The following PPL variants were observed in gnomAD, a reference collection of about 807,000 sequenced individuals.
PPL encodes the protein 190 kDa paraneoplastic pemphigus antigen.
Under a neutral mutation model 194.4 loss-of-function variants are expected in PPL, and 198 were observed. The observed-to-expected ratio is 1.02, with a 90% CI of 0.91 to 1.15. The LOEUF (loss-of-function observed/expected upper bound fraction) is 1.15, where lower values mean the gene tolerates loss of function less well. PPL is among the 50% of genes most tolerant of loss of function. The probability of loss-of-function intolerance (pLI) is 0.00; values close to 1 mark genes in which losing one functional copy is unlikely to be tolerated. For synonymous variants in PPL, 1,220 were observed against 972.4 expected, an observed-to-expected ratio of 1.25 and a Z score of -4.74; for missense variants, 2,885 against 2,294.8, an observed-to-expected ratio of 1.26 and a Z score of -5.25.
At chr16:4,933,157 A>G (rs906609351) in intron 1 of PPL, among the ~76,000 whole-genome samples, 2 of 151,952 alleles carry the variant, frequency 1.3e-5, no homozygotes, top group Non-Finnish European at 2.9e-5. Flanking sequence ...ACCCACCCCC[A>G]TGCCCAGCTA....
rs1220377300 is a variant in PPL at position 4,893,352 on chromosome 16, C to G, written c.1511G>C (p.Gly504Ala). 1.9e-6 allele frequency: 3 copies of G among 1,607,466 alleles called. No homozygotes were observed. The highest frequency in any genetic ancestry group is 2.5e-6 in the Non-Finnish European group (3 of 1,179,806). Residue 504 changes from glycine to alanine, a missense_variant, in exon 14 of 22, where the codon GGG becomes GCG. By Grantham distance (60) the Gly-to-Ala change is moderately conservative. Transcript: ENST00000345988. Reference protein sequence around the residue: ...ENPGDASDLQGRQLLAGLDKV... With the variant: ...ENPGDASDLQARQLLAGLDKV... ...GTCCAAGCCAGCCAGCAGCTGCCGCCCCTGTAGGTCAGAGGCATCTGTGGA... is the reference window on the plus strand; with the variant it reads ...GTCCAAGCCAGCCAGCAGCTGCCGCGCCTGTAGGTCAGAGGCATCTGTGGA...
chr16:4,889,233 TTG>T (rs2088271235), intron 18 of PPL, among the ~76,000 whole-genome samples, 172 bp from the exon 19 acceptor site: 2 of 4,972 alleles, frequency 4.0e-4, no homozygotes, highest in African/African-American at 6.1e-4. Flanking sequence ...AGTTTTTTTG[TTG>T]TTGTTGTTTT....
At chr16:4,899,776 A>T (rs1424430804) in intron 6 of PPL, among the ~76,000 whole-genome samples, 1 of 152,244 alleles carries the variant, frequency 6.6e-6, no homozygotes, top group African/African-American at 2.4e-5. Context: ...AGAGACTGGC[A>T]TATAGTTGGT....
chr16:4,931,021 G>A (rs1056810338), intron 1 of PPL, among the ~76,000 whole-genome samples: 1 of 152,170 alleles, frequency 6.6e-6, no homozygotes, highest in Non-Finnish European at 1.5e-5. Flanking sequence ...AGGGACTGGA[G>A]GCCTGCTGGG....
Position 4,920,887 on chromosome 16 carries a change from G to A in PPL, c.63-9938C>T, listed in dbSNP as rs1020355746. On this transcript the variant is annotated intron_variant, in intron 1 of 21. Coordinates refer to ENST00000345988, the MANE Select transcript of PPL (RefSeq NM_002705.5). ...TAAAGTACAGGGATTACAGGCATGA[G>A]CCCACTGTGCCTGGCTCATTTACAT... 2.0e-5 allele frequency among the ~76,000 whole-genome samples: 3 copies of A among 152,206 alleles called. No individual in the cohort carries two copies. In the East Asian group the frequency reaches 5.8e-4, roughly 29 times the overall value.
Position 4,885,170 on chromosome 16 carries a change from T to C in PPL, c.3485A>G (p.Glu1162Gly). Residue 1162 changes from glutamate (E) to glycine (G), a missense_variant, in exon 22 of 22, where the codon GAG becomes GGG. Physicochemically the swap from Glu to Gly is moderately conservative, Grantham distance 98. Coordinates refer to ENST00000345988, the MANE Select transcript of PPL (RefSeq NM_002705.5). The surrounding 1 kb of genome is among the most constrained non-coding windows in gnomAD (Gnocchi z 6.3). ...TELLRKIWALEEENAKVVVQE... is the reference protein window; with the variant it reads ...TELLRKIWALGEENAKVVVQE... ...CACCACCACTTTGGCGTTCTCCTCC[T>C]CCAAGGCCCATATCTTTCGGAGCAG... 6.2e-7 allele frequency: 1 copy of C among 1,614,064 alleles called. No individual in the cohort carries two copies. The highest frequency in any genetic ancestry group is 8.5e-7 in the Non-Finnish European group (1 of 1,180,020).
chr16:4,902,314 G>T lies in PPL; in HGVS notation c.438+92C>A. 6.4e-7 allele frequency: 1 copy of T among 1,553,380 alleles called. No individual in the cohort carries two copies. Among genetic ancestry groups the T allele is most frequent in the Middle Eastern group, 1.7e-4 (1 of 5,810 alleles). ...ACGACTGTCTCCCTGGTAAGACCCG[G>T]GATGCCCATTACATGGGTAGGCTCT... On this transcript the variant is annotated intron_variant, in intron 4 of 21. Transcript: ENST00000345988. The surrounding 1 kb of genome is among the most constrained non-coding windows in gnomAD (Gnocchi z 4.0).
At chr16:4,933,036 C>G (rs1337947024) in intron 1 of PPL, among the ~76,000 whole-genome samples, 1 of 151,214 alleles carries the variant, frequency 6.6e-6, no homozygotes. Context: ...GAGTCTCACT[C>G]TTTTACCCAG....
chr16:4,911,541 A>T (rs1056317206), intron 1 of PPL, among the ~76,000 whole-genome samples: 2 of 147,530 alleles, frequency 1.4e-5, no homozygotes, highest in African/African-American at 5.0e-5. Context: ...TCATTCATTC[A>T]TTCATTTTAT....
At chr16:4,929,851 A>G (rs1430223307) in intron 1 of PPL, among the ~76,000 whole-genome samples, 1 of 150,288 alleles carries the variant, frequency 6.7e-6, no homozygotes, top group African/African-American at 2.5e-5. Context: ...ATGCCCAGCT[A>G]ATTTTTTTTT....
chr16:4,901,977 T>TAAAA (rs1253752063), intron 4 of PPL, among the ~76,000 whole-genome samples: 8 of 150,456 alleles, frequency 5.3e-5, no homozygotes, highest in Non-Finnish European at 1.0e-4. Context: ...AATAAATAAA[T>TAAAA]AAAACTGGGG....
At chr16:4,922,289 G>A (rs113208389) in intron 1 of PPL, among the ~76,000 whole-genome samples, 1 of 152,218 alleles carries the variant, frequency 6.6e-6, no homozygotes, top group Non-Finnish European at 1.5e-5. Context: ...GATATGGGGT[G>A]CTGCCTCTGA....
At chr16:4,920,345 GAGAA>G (rs1049654889) in intron 1 of PPL, among the ~76,000 whole-genome samples, 23 of 25,166 alleles carry the variant, frequency 9.1e-4, no homozygotes, top group South Asian at 3.8e-3. Context: ...GAGAGAGAGA[GAGAA>G]AGAAAGAAAG....
At position 4,892,177 on chromosome 16, in the gene PPL, TCTC is replaced by T; in HGVS notation, c.1684_1686del (p.Glu562del). On this transcript the variant is annotated inframe_deletion, in exon 15 of 22. Transcript: ENST00000345988. ...TCGCCCTCAGCCGTGCTCCGCGTCTTCTCAGGTTCAATCCGCAGTAGCTCGTTG... is the reference window on the plus strand; with the variant it reads ...TCGCCCTCAGCCGTGCTCCGCGTCTTAGGTTCAATCCGCAGTAGCTCGTTG... 2 of 1,613,678 alleles carry T rather than the reference TCTC, an allele frequency of 1.2e-6. No individual in the cohort carries two copies. The highest frequency in any genetic ancestry group is 1.7e-6 in the Non-Finnish European group (2 of 1,179,914).
chr16:4,906,362 C>A (rs2088682592), intron 2 of PPL, among the ~76,000 whole-genome samples: 1 of 152,092 alleles, frequency 6.6e-6, no homozygotes, highest in Non-Finnish European at 1.5e-5. Context: ...GTAACTGGGA[C>A]TGCAGGCGCC....
In PPL at chr16:4,896,247, C is replaced by T. The variant is rs563996392; in HGVS notation, c.973-531G>A. On this transcript the variant is annotated intron_variant, in intron 9 of 21. Coordinates refer to ENST00000345988, the MANE Select transcript of PPL (RefSeq NM_002705.5). ...CAGGGAATGAGGAGTGACACGGCGT[C>T]GCCCACATCCAGCTTTCCCCAGACA... Among the ~76,000 whole-genome samples the T allele has an allele frequency of 5.3e-5, 8 of 152,274 alleles. No homozygotes were observed. In the East Asian group the frequency reaches 1.2e-3, roughly 22 times the overall value.
intron 2 of PPL, among the ~76,000 whole-genome samples, chr16:4,906,877 C>G (rs1388560144): frequency 2.0e-5 from 3 of 152,318 alleles, no homozygotes. Context: ...TGCAAAAATT[C>G]ACCCAGGTGA....
chr16:4,935,612 C>CT (rs2142439416), intron 1 of PPL, among the ~76,000 whole-genome samples: 1 of 152,242 alleles, frequency 6.6e-6, no homozygotes, highest in East Asian at 1.9e-4. Context: ...CGGGTAATGC[C>CT]TCTGAGCTTG....
rs759848931 is a variant in PPL, at chr16:4,883,877, G to T, written c.4778C>A (p.Thr1593Lys). Residue 1593 changes from threonine (T) to lysine (K), a missense_variant, in exon 22 of 22, where the codon ACA (threonine) becomes AAA (lysine). Coordinates refer to ENST00000345988, the MANE Select transcript of PPL (RefSeq NM_002705.5). This position sits in a 1 kb window ranked among gnomAD's most constrained non-coding sequence, Gnocchi z 4.8. ...QSEINMAATETRDLRNMTVAD... is the reference protein window; with the variant it reads ...QSEINMAATEKRDLRNMTVAD... ...CACGGTCATGTTCCGCAGGTCTCGT[G>T]TTTCCGTCGCTGCCATGTTGATTTC... is the stretch of plus-strand genomic sequence containing the variant. The T allele has an allele frequency of 6.2e-7, 1 of 1,613,996 alleles. No individual in the cohort carries two copies. The highest frequency in any genetic ancestry group is 8.5e-7 in the Non-Finnish European group (1 of 1,180,040).
Sources: allele counts gnomAD v4.1 joint callset (sites outside exome capture counted in the v4.1 genomes callset), GRCh38; gene constraint gnomAD v4.1.1; non-coding constraint Gnocchi (gnomAD v3.1); transcripts MANE v1.5; gene names NCBI Gene and HGNC (gene_info 2026-07-23, HGNC 2026-07-21).